SLC10A7: variants seen among roughly 807,000 people sequenced by gnomAD.
SLC10A7 encodes the protein sodium/bile acid cotransporter 7.
In SLC10A7, 29 loss-of-function variants were observed where a neutral mutation model predicts 43.2. That is an observed-to-expected ratio of 0.67 (90% CI 0.50 to 0.92). The LOEUF is 0.92. SLC10A7 is among the 40% of genes least tolerant of loss of function. The pLI, the probability that SLC10A7 is intolerant of heterozygous loss-of-function variation, is 0.00. For missense variants in SLC10A7, 295 were observed against 403.2 expected (o/e 0.73, Z 2.30); for synonymous variants, 152 against 144.8 (o/e 1.05, Z -0.35).
intron 4 of SLC10A7, among the ~76,000 whole-genome samples, chr4:146,459,536 G>C (rs570309022): frequency 6.6e-6 from 1 of 151,462 alleles, no homozygotes; most frequent in African/African-American, 2.4e-5. Flanking sequence ...ATGGTAAATT[G>C]ATTTTTGGCA....
At chr4:146,400,643 G>A (rs1415799511) in intron 5 of SLC10A7, among the ~76,000 whole-genome samples, 1 of 152,088 alleles carries the variant, frequency 6.6e-6, no homozygotes, top group Admixed American at 6.5e-5. Flanking sequence ...GCTCTTGCTA[G>A]GGAGCAGAAC....
chr4:146,413,392 C>A lies in SLC10A7; in HGVS notation c.435+29391G>T, dbSNP rs138585905. ...ATTCTGTCATATAATATTGTAGTAC[C>A]TTCAGATACTAGTGAGATAAGTAAG... On this transcript the variant is annotated intron_variant, in intron 5 of 11. Coordinates refer to ENST00000335472, the MANE Select transcript of SLC10A7 (RefSeq NM_001029998.6). 8.3e-4 allele frequency among the ~76,000 whole-genome samples: 127 copies of A among 152,114 alleles called. 1 individual carries two copies. Among genetic ancestry groups the A allele is most frequent in the South Asian group, 3.7e-3 (18 of 4,818 alleles).
intron 10 of SLC10A7, among the ~76,000 whole-genome samples, chr4:146,276,002 G>T (rs1022312144): frequency 6.6e-6 from 1 of 152,034 alleles, no homozygotes; most frequent in Non-Finnish European, 1.5e-5. Flanking sequence ...ACAGTAGCTG[G>T]ACACAAAATG....
chr4:146,288,897 C>A (rs1156638865), intron 9 of SLC10A7, among the ~76,000 whole-genome samples: 4 of 151,956 alleles, frequency 2.6e-5, no homozygotes, highest in African/African-American at 9.7e-5. Flanking sequence ...TTTATTCTTT[C>A]TTACAAAGCT....
At chr4:146,320,710 T>C (rs1732647065) in intron 6 of SLC10A7, among the ~76,000 whole-genome samples, 1 of 152,092 alleles carries the variant, frequency 6.6e-6, no homozygotes, top group Non-Finnish European at 1.5e-5. Context: ...AAGCATACTG[T>C]TAAAAAGAAA....
intron 4 of SLC10A7, among the ~76,000 whole-genome samples, chr4:146,480,934 A>G (rs1449696617): frequency 6.6e-6 from 1 of 152,096 alleles, no homozygotes; most frequent in Non-Finnish European, 1.5e-5. Flanking sequence ...ATAAACAGGA[A>G]AAACCATGGA....
At chr4:146,333,127 T>C (rs1296980301) in intron 5 of SLC10A7, among the ~76,000 whole-genome samples, 2 of 152,184 alleles carry the variant, frequency 1.3e-5, no homozygotes, top group Admixed American at 6.5e-5. Context: ...TCTACCTGGT[T>C]CCTCTCTAAC....
At chr4:146,256,908 GC>G in intron 11 of SLC10A7, 1 of 1,536,344 alleles carries the variant, frequency 6.5e-7, no homozygotes, top group Non-Finnish European at 8.7e-7. Context: ...ATTCAAGTTA[GC>G]CAGTGGCCCC....
intron 4 of SLC10A7, among the ~76,000 whole-genome samples, chr4:146,463,362 C>T (rs1456762787): frequency 3.3e-5 from 5 of 152,224 alleles, no homozygotes; most frequent in South Asian, 2.1e-4. Context: ...TAACTTCACA[C>T]GCTTTATAAT....
intron 4 of SLC10A7, among the ~76,000 whole-genome samples, chr4:146,499,992 G>A (rs1229319274): frequency 6.6e-6 from 1 of 152,278 alleles, no homozygotes; most frequent in South Asian, 2.1e-4. Context: ...CACACCTCTT[G>A]AGGGAATCAC....
intron 5 of SLC10A7, among the ~76,000 whole-genome samples, chr4:146,326,574 T>A (rs1389111043): frequency 6.6e-6 from 1 of 152,192 alleles, no homozygotes; most frequent in Non-Finnish European, 1.5e-5. Flanking sequence ...ACCACCTCGG[T>A]CCCTCTGCCT....
intron 5 of SLC10A7, among the ~76,000 whole-genome samples, chr4:146,352,283 C>T (rs2149746441): frequency 2.3e-5 from 2 of 86,570 alleles, no homozygotes; most frequent in East Asian, 6.3e-4. Context: ...TCAAAAGAGA[C>T]AAAGAAGGCC....
intron 6 of SLC10A7, among the ~76,000 whole-genome samples, chr4:146,318,720 G>A (rs1256480369): frequency 6.6e-6 from 1 of 151,930 alleles, no homozygotes; most frequent in East Asian, 1.9e-4. Flanking sequence ...GAAAGTCAGT[G>A]GAATCCAAGT....
chr4:146,484,526 G>GA (rs1393438459), intron 4 of SLC10A7, among the ~76,000 whole-genome samples: 1 of 151,986 alleles, frequency 6.6e-6, no homozygotes, highest in Admixed American at 6.6e-5. Context: ...GAGAGATAGA[G>GA]AAAAAAACAG....
chr4:146,302,906 T>C (rs1178780302), intron 7 of SLC10A7, among the ~76,000 whole-genome samples: 3 of 152,222 alleles, frequency 2.0e-5, no homozygotes, highest in Non-Finnish European at 4.4e-5. Flanking sequence ...ACATGTGTTG[T>C]GGATGCTGTG....
At chr4:146,378,562 G>C (rs1449168710) in intron 5 of SLC10A7, among the ~76,000 whole-genome samples, 1 of 152,174 alleles carries the variant, frequency 6.6e-6, no homozygotes, top group Non-Finnish European at 1.5e-5. Context: ...CTACATTATA[G>C]AGTACATAAA....
Position 146,258,687 on chromosome 4 carries a change from C to T in SLC10A7, c.993+5G>A, listed in dbSNP as rs753199971. On this transcript the variant is annotated splice_donor_5th_base_variant and intron_variant, in intron 11 of 11. Transcript: ENST00000335472. The stretch of plus-strand genomic sequence containing the variant: ...GATCCAAATAAGATCTTTCTGGGGA[C>T]TCACCTTCTGCCTTGATACCATCCA... 26 of 1,576,738 alleles carry T rather than the reference C, an allele frequency of 1.6e-5. No individual in the cohort carries two copies. In the Middle Eastern group the frequency reaches 5.0e-4, roughly 31 times the overall value.
chr4:146,408,457 C>T (rs1245374572), intron 5 of SLC10A7: 1 of 151,856 alleles, frequency 6.6e-6, no homozygotes, highest in East Asian at 1.9e-4. Context: ...GGGTGAGACA[C>T]AAGAACTGCT....
intron 1 of SLC10A7, among the ~76,000 whole-genome samples, chr4:146,518,372 C>A (rs572937508): frequency 1.3e-5 from 2 of 152,190 alleles, no homozygotes; most frequent in Admixed American, 1.3e-4. Flanking sequence ...GGGTAGAGAT[C>A]AGGAATTCTA....
Sources: allele counts gnomAD v4.1 joint callset (sites outside exome capture counted in the v4.1 genomes callset), GRCh38; gene constraint gnomAD v4.1.1; transcripts MANE v1.5; gene names NCBI Gene and HGNC (gene_info 2026-07-23, HGNC 2026-07-21).